Variants in SPG7 observed in about 807,000 individuals in gnomAD.
SPG7 encodes the protein SPG7 matrix AAA peptidase subunit, paraplegin.
In SPG7, 103 loss-of-function variants were observed where a neutral mutation model predicts 81.9. The ratio of observed to expected loss-of-function variants is 1.26; its 90% confidence interval spans 1.07 to 1.48. The LOEUF (loss-of-function observed/expected upper bound fraction) is 1.48. Ranked by LOEUF, SPG7 falls within the 40% of genes most tolerant of loss-of-function variation. The pLI is 0.00. For missense variants in SPG7, 1,241 were observed against 1,087.3 expected (o/e 1.14, Z -1.99); for synonymous variants, 534 against 444.2 (o/e 1.20, Z -2.54).
chr16:89,553,539 C>T, intron 14 of SPG7: 2 of 559,318 alleles, frequency 3.6e-6, no homozygotes, highest in Non-Finnish European at 6.4e-6. Context: ...TGCTTGAGAA[C>T]TGCCATGCAG....
In SPG7 at chr16:89,529,597, G is replaced by T. The variant is rs181988826; in HGVS notation, c.861+18G>T. 9.7e-6 allele frequency: 15 copies of T among 1,544,948 alleles called. No individual in the cohort carries two copies. In the East Asian group the frequency reaches 3.4e-4, roughly 35 times the overall value. The stretch of plus-strand genomic sequence containing the variant: ...GTGCTTTTGTAAGTTCTGTAAATCA[G>T]AGCTCTCTGAACTCTTTCTGGTTTG... On this transcript the variant is annotated intron_variant, in intron 6 of 16. Coordinates refer to ENST00000645818, the MANE Select transcript of SPG7 (RefSeq NM_003119.4).
Position 89,529,474 on chromosome 16 carries a change from C to T in SPG7, c.759-3C>T, listed in dbSNP as rs762415738. On this transcript the variant is annotated splice_polypyrimidine_tract_variant and splice_region_variant and intron_variant, in intron 5 of 16. Transcript: ENST00000645818. ...CTGTGCCTGCCTCTCTTTCTTCCGGCAGTGCCCTGTACTCTGTGGGGATGA... is the reference window on the plus strand; with the variant it reads ...CTGTGCCTGCCTCTCTTTCTTCCGGTAGTGCCCTGTACTCTGTGGGGATGA... 1 of 1,607,954 alleles carries T rather than the reference C, an allele frequency of 6.2e-7. No homozygotes were observed. Among genetic ancestry groups the T allele is most frequent in the Non-Finnish European group, 8.5e-7 (1 of 1,175,198 alleles).
chr16:89,548,962 C>T (rs184902702), intron 12 of SPG7: 8 of 454,686 alleles, frequency 1.8e-5, no homozygotes, highest in African/African-American at 1.2e-4. Context: ...ATTCCTAGCA[C>T]GAACACGCCT....
chr16:89,509,608 A>T (rs35987986), intron 1 of SPG7, among the ~76,000 whole-genome samples: 19,871 of 151,774 alleles, frequency 0.13, 1,652 homozygotes, highest in Middle Eastern at 0.2. Flanking sequence ...GAAAGTATAT[A>T]CTTGTTAACT....
chr16:89,556,849 C>T (rs1348546703), intron 16 of SPG7, 38 bp from the exon 17 acceptor site: 27 of 1,504,858 alleles, frequency 1.8e-5, no homozygotes, highest in African/African-American at 8.3e-5. Context: ...CTCTGTCTGC[C>T]CTGGGGACTC....
intron 2 of SPG7, among the ~76,000 whole-genome samples, chr16:89,510,823 C>T (rs1286126869): frequency 6.6e-6 from 1 of 152,170 alleles, no homozygotes; most frequent in African/African-American, 2.4e-5. Context: ...TACCGTCACA[C>T]TCGGCTAATT....
chr16:89,522,288 G>A (rs925094853), intron 3 of SPG7: 7 of 152,154 alleles, frequency 4.6e-5, no homozygotes, highest in African/African-American at 1.7e-4. Context: ...GTTTGAATTC[G>A]TCTAAAATGA....
At chr16:89,554,659 A>G (rs1474533038) in intron 16 of SPG7, 96 bp downstream of exon 16, 2 of 794,118 alleles carry the variant, frequency 2.5e-6, no homozygotes, top group Admixed American at 2.0e-5. Context: ...TCCAAGGCAC[A>G]CAGAGTACAG....
At chr16:89,512,693 T>C (rs2058038202) in intron 2 of SPG7, among the ~76,000 whole-genome samples, 1 of 152,264 alleles carries the variant, frequency 6.6e-6, no homozygotes, top group Non-Finnish European at 1.5e-5. Flanking sequence ...CTATTTTTTA[T>C]TCCCTCACAT....
intron 12 of SPG7, chr16:89,549,303 T>C: frequency 2.3e-6 from 1 of 439,754 alleles, no homozygotes; most frequent in Non-Finnish European, 4.6e-6. Context: ...TACAGATGTG[T>C]GGAAAATCTG....
chr16:89,532,525 G>A lies in SPG7; in HGVS notation c.1213G>A (p.Val405Ile), dbSNP rs115999025. 4.7e-5 allele frequency: 76 copies of A among 1,613,728 alleles called. No homozygotes were observed. Among genetic ancestry groups the A allele is most frequent in the Middle Eastern group, 3.3e-4 (2 of 6,060 alleles). ...AGCCCGAGCCCGGGCCCCCTGCATC[G>A]TCTACATCGATGAGATCGACGCGGT... Reference protein sequence around the residue: ...KEARARAPCIVYIDEIDAVGK... With the variant: ...KEARARAPCIIYIDEIDAVGK... The change falls in exon 9 of 17, where the codon GTC (valine) becomes ATC (isoleucine). Residue 405 changes from valine (V) to isoleucine (I), a missense_variant. Transcript: ENST00000645818.
intron 16 of SPG7, 24 bp downstream of exon 16, chr16:89,554,587 G>T: frequency 6.4e-7 from 1 of 1,562,872 alleles, no homozygotes; most frequent in Non-Finnish European, 8.8e-7. Flanking sequence ...CAGGCGTGGG[G>T]GCTACGGCGT....
At chr16:89,528,072 C>G (rs1436561379) in intron 5 of SPG7, among the ~76,000 whole-genome samples, 2 of 151,912 alleles carry the variant, frequency 1.3e-5, no homozygotes, top group Non-Finnish European at 2.9e-5. Context: ...ATTCTCGTGT[C>G]TTCGTAGGCC....
At position 89,557,471 on chromosome 16, in the gene SPG7, C is replaced by G; in HGVS notation, c.*378C>G. 3.4e-6 allele frequency: 1 copy of G among 293,932 alleles called. No homozygotes were observed. Among genetic ancestry groups the G allele is most frequent in the Non-Finnish European group, 6.6e-6 (1 of 151,226 alleles). The allele number at this position is 293,932 out of a possible 1,614,324, so 18.2% of individuals were successfully genotyped here. On this transcript the variant is annotated 3_prime_UTR_variant, in exon 17 of 17. Transcript: ENST00000645818. ...TCATGCCGACGCTTGCACGACCGCC[C>G]CAGTTCCTGTGGCTCCCTCGGAATG...
At chr16:89,542,941 C>CTTTTTTTTTTTTTTTTTTTTT (rs60645680) in intron 9 of SPG7, 2 of 84,652 alleles carry the variant, frequency 2.4e-5, no homozygotes, top group Non-Finnish European at 4.4e-5. Context: ...AGATCCTGTT[C>CTTTTTTTTTTTTTTTTTTTTT]TTTTTTTTTT....
At chr16:89,537,583 G>A (rs1226960670) in intron 9 of SPG7, 2 of 970,890 alleles carry the variant, frequency 2.1e-6, no homozygotes, top group African/African-American at 3.5e-5. Flanking sequence ...CCAGGCTGGA[G>A]TGCAGTGCCA....
chr16:89,537,742 A>T (rs2058445434), intron 9 of SPG7: 10 of 985,274 alleles, frequency 1.0e-5, no homozygotes, highest in African/African-American at 1.7e-5. Flanking sequence ...GCTTGCCGTG[A>T]GCTCTTTCAG....
At chr16:89,524,344 G>A in intron 4 of SPG7, 97 bp downstream of exon 4, 1 of 1,414,728 alleles carries the variant, frequency 7.1e-7, no homozygotes, top group South Asian at 1.3e-5. Flanking sequence ...GAGGGTGTGG[G>A]CGCTGGCTGT....
chr16:89,532,679 G>A lies in SPG7; in HGVS notation c.1324+43G>A, dbSNP rs774478873. ...CCGCACCCCCATTGCACCATCAGAGGAGGTTTTCCGATGTCTTTCAGAACA... is the reference window on the plus strand; with the variant it reads ...CCGCACCCCCATTGCACCATCAGAGAAGGTTTTCCGATGTCTTTCAGAACA... On this transcript the variant is annotated intron_variant, in intron 9 of 16. Coordinates refer to ENST00000645818, the MANE Select transcript of SPG7 (RefSeq NM_003119.4). 8 of 1,609,574 alleles carry A rather than the reference G, an allele frequency of 5.0e-6. No homozygotes were observed. The Admixed American group carries it at 1.3e-4, about 27-fold the overall frequency.
Sources: allele counts gnomAD v4.1 joint callset (sites outside exome capture counted in the v4.1 genomes callset), GRCh38; gene constraint gnomAD v4.1.1; transcripts MANE v1.5; gene names NCBI Gene and HGNC (gene_info 2026-07-23, HGNC 2026-07-21).